The following PLXNA4 variants were observed in gnomAD, a reference collection of about 807,000 sequenced individuals.
PLXNA4 encodes the protein plexin A4, also known as plexin-A4.
Under a neutral mutation model 191.8 loss-of-function variants are expected in PLXNA4, and 44 were observed. That is an observed-to-expected ratio of 0.23 (90% CI 0.18 to 0.29). The LOEUF (loss-of-function observed/expected upper bound fraction) is 0.29. Ranked by LOEUF, PLXNA4 falls within the 10% of genes least tolerant of loss-of-function variation. The probability of loss-of-function intolerance (pLI) is 1.00; values close to 1 mark genes in which losing one functional copy is unlikely to be tolerated. For missense variants in PLXNA4, 1,800 were observed against 2,488.8 expected (o/e 0.72, Z 5.89); for synonymous variants, 1,082 against 1,009.5 (o/e 1.07, Z -1.36).
chr7:132,310,972 A>AGGATGAGG (rs1408435285), intron 3 of PLXNA4, among the ~76,000 whole-genome samples: 16 of 152,292 alleles, frequency 1.1e-4, no homozygotes, highest in Non-Finnish European at 2.2e-4. Flanking sequence ...TTCACTCCTC[A>AGGATGAGG]TCCCCTTGGG....
In PLXNA4 at chr7:132,179,879, T is replaced by G. The variant is rs1386833946; in HGVS notation, c.3682A>C (p.Ile1228Leu). 6.2e-7 allele frequency: 1 copy of G among 1,612,934 alleles called. No individual in the cohort carries two copies. The highest frequency in any genetic ancestry group is 8.5e-7 in the Non-Finnish European group (1 of 1,179,876). The change falls in exon 20 of 32, where the codon ATT becomes CTT. Residue 1228 changes from isoleucine to leucine, a missense_variant. Ile to Leu is a conservative substitution (Grantham distance 5). Coordinates refer to ENST00000321063, the MANE Select transcript of PLXNA4 (RefSeq NM_020911.2). ...AGGCTGAGCGGGCTGTCCGGGGCAATGTACACCATCCCCGGGGAGTACTCC... is the reference window on the plus strand; with the variant it reads ...AGGCTGAGCGGGCTGTCCGGGGCAAGGTACACCATCCCCGGGGAGTACTCC... ...GMEYSPGMVY[I>L]APDSPLSLPA... is the part of the protein sequence containing the mutation.
intron 2 of PLXNA4, among the ~76,000 whole-genome samples, chr7:132,586,838 A>T (rs965345651): frequency 5.9e-5 from 9 of 152,208 alleles, no homozygotes; most frequent in African/African-American, 1.7e-4. Flanking sequence ...AGGTGGGAGG[A>T]TTGTTTGAGC....
At chr7:132,191,833 T>TATAC (rs1554385981) in intron 14 of PLXNA4, among the ~76,000 whole-genome samples, 56 of 147,194 alleles carry the variant, frequency 3.8e-4, no homozygotes, top group South Asian at 6.5e-4. Context: ...TATATATATA[T>TATAC]ACACACACAC....
Position 132,298,083 on chromosome 7 carries a change from A to G in PLXNA4, c.1503+8T>C. 2 of 1,614,134 alleles carry G rather than the reference A, an allele frequency of 1.2e-6. No individual in the cohort carries two copies. Among genetic ancestry groups the G allele is most frequent in the South Asian group, 1.1e-5 (1 of 91,086 alleles). On this transcript the variant is annotated splice_region_variant and intron_variant, in intron 4 of 31. Coordinates refer to ENST00000321063, the MANE Select transcript of PLXNA4 (RefSeq NM_020911.2). ...GACAAATGTCTAGCGGAGCCCGAAG[A>G]GCCTTACCTGCCTCTCTGACATGAT... is the stretch of plus-strand genomic sequence containing the variant.
chr7:132,605,412 T>C (rs1426812156), intron 2 of PLXNA4, among the ~76,000 whole-genome samples: 1 of 151,930 alleles, frequency 6.6e-6, no homozygotes, highest in African/African-American at 2.4e-5. Context: ...GTCCCCAGGA[T>C]TTGGGGACAA....
chr7:132,151,212 G>A (rs1413936069), intron 25 of PLXNA4, among the ~76,000 whole-genome samples: 4 of 151,116 alleles, frequency 2.6e-5, no homozygotes, highest in African/African-American at 9.8e-5. Context: ...AGAGAAGGAA[G>A]AAGACGAAGA....
At chr7:132,362,505 G>A (rs893335036) in intron 3 of PLXNA4, among the ~76,000 whole-genome samples, 19 of 152,238 alleles carry the variant, frequency 1.2e-4, no homozygotes, top group Non-Finnish European at 2.2e-4. Flanking sequence ...ATGGGAGTAA[G>A]CTGCAACTTG....
chr7:132,420,917 G>A (rs181706961), intron 3 of PLXNA4, among the ~76,000 whole-genome samples: 183 of 152,238 alleles, frequency 1.2e-3, no homozygotes, highest in Middle Eastern at 6.8e-3. Context: ...ATGATTTTGA[G>A]GTCTCCCCAG....
chr7:132,620,479 G>A (rs1196618841), intron 2 of PLXNA4, among the ~76,000 whole-genome samples: 1 of 151,922 alleles, frequency 6.6e-6, no homozygotes, highest in Non-Finnish European at 1.5e-5. Flanking sequence ...GTGCATTGAG[G>A]ATGCTTTAGG....
intron 3 of PLXNA4, among the ~76,000 whole-genome samples, chr7:132,364,049 AG>A (rs1157148393): frequency 6.6e-6 from 1 of 152,248 alleles, no homozygotes; most frequent in Non-Finnish European, 1.5e-5. Context: ...GGCCAGGACC[AG>A]TGCTCTAGTG....
intron 3 of PLXNA4, among the ~76,000 whole-genome samples, chr7:132,435,129 G>T (rs559915762): frequency 2.6e-5 from 4 of 152,062 alleles, no homozygotes; most frequent in Non-Finnish European, 4.4e-5. Flanking sequence ...TGTTTGCCTC[G>T]CCTCGGGCTT....
intron 3 of PLXNA4, among the ~76,000 whole-genome samples, chr7:132,486,657 G>A (rs1343649885): frequency 5.9e-5 from 9 of 152,218 alleles, no homozygotes; most frequent in African/African-American, 1.7e-4. Context: ...AAATGTTTAT[G>A]CCTCACCAGC....
rs376606414 is a variant in PLXNA4, at chr7:132,508,550, G to C, written c.144C>G (p.Ala48=). ...RSFVTFRGEP[A]EGFNHLVVDE... Reference sequence around the variant, plus strand: ...CCACCACCAGGTGATTGAAACCCTCGGCGGGCTCTCCTCGGAATGTGACAA... The same window carrying C: ...CCACCACCAGGTGATTGAAACCCTCCGCGGGCTCTCCTCGGAATGTGACAA... The change falls in exon 2 of 32, where the codon GCC becomes GCG. Residue 48 remains alanine, a synonymous_variant. Coordinates refer to ENST00000321063, the MANE Select transcript of PLXNA4 (RefSeq NM_020911.2). The surrounding 1 kb of genome is among the most constrained non-coding windows in gnomAD (Gnocchi z 4.4). 1 of 1,614,158 alleles carries C rather than the reference G, an allele frequency of 6.2e-7. No individual in the cohort carries two copies. Among genetic ancestry groups the C allele is most frequent in the Non-Finnish European group, 8.5e-7 (1 of 1,180,028 alleles).
At chr7:132,187,686 C>T in intron 14 of PLXNA4, 79 bp from the exon 15 acceptor site, 1 of 1,494,714 alleles carries the variant, frequency 6.7e-7, no homozygotes, top group Non-Finnish European at 8.9e-7. Context: ...GGCAGCACCC[C>T]ACTCCCCCAA....
intron 4 of PLXNA4, among the ~76,000 whole-genome samples, chr7:132,284,332 A>G (rs900295591): frequency 7.9e-5 from 12 of 152,250 alleles, no homozygotes; most frequent in African/African-American, 2.7e-4. Context: ...TGATGCTTAA[A>G]TCTGTACCAA....
chr7:132,133,015 C>T, intron 31 of PLXNA4, 34 bp downstream of exon 31: 1 of 1,601,214 alleles, frequency 6.2e-7, no homozygotes, highest in Non-Finnish European at 8.5e-7. Flanking sequence ...TTCCCCCTTC[C>T]ATCCCAATGG....
At chr7:132,532,593 G>A (rs544399948) in intron 1 of PLXNA4, among the ~76,000 whole-genome samples, 1 of 152,246 alleles carries the variant, frequency 6.6e-6, no homozygotes, top group African/African-American at 2.4e-5. Flanking sequence ...CACCTGTAAT[G>A]TTCTATACAT....
intron 3 of PLXNA4, among the ~76,000 whole-genome samples, chr7:132,437,426 G>C (rs903960227): frequency 2.0e-5 from 3 of 152,142 alleles, no homozygotes; most frequent in African/African-American, 7.2e-5. Flanking sequence ...GCAAGCACGT[G>C]CACAGACACA....
In PLXNA4 at chr7:132,205,742, T is replaced by C. The variant is rs150368181; in HGVS notation, c.2299-2323A>G. On this transcript the variant is annotated intron_variant, in intron 10 of 31. Transcript: ENST00000321063. ...GGCAGTGCTGGGGCAGGCTGAGCTC[T>C]GACCTGTAGGAGGGATGCTGACAGT... is the stretch of plus-strand genomic sequence containing the variant. 2.5e-4 allele frequency among the ~76,000 whole-genome samples: 38 copies of C among 152,270 alleles called. No individual in the cohort carries two copies. In the East Asian group the frequency reaches 5.0e-3, roughly 20 times the overall value.
Sources: allele counts gnomAD v4.1 joint callset (sites outside exome capture counted in the v4.1 genomes callset), GRCh38; gene constraint gnomAD v4.1.1; non-coding constraint Gnocchi (gnomAD v3.1); transcripts MANE v1.5; gene names NCBI Gene and HGNC (gene_info 2026-07-23, HGNC 2026-07-21).